Variants in CHD5 observed in about 807,000 individuals in gnomAD.
The protein encoded by CHD5 is ATP-dependent chromatin remodeler CHD5.
In CHD5, 69 loss-of-function variants were observed where a neutral mutation model predicts 230.3. The ratio of observed to expected loss-of-function variants is 0.30; its 90% CI spans 0.25 to 0.37. CHD5 has a LOEUF of 0.37. Ranked by LOEUF, CHD5 falls within the 10% of genes least tolerant of loss-of-function variation. The pLI is 1.00. For missense variants in CHD5, 1,827 were observed against 2,622.8 expected (o/e 0.70, Z 6.63); for synonymous variants, 1,064 against 1,065.9 (o/e 1.00, Z 0.03).
chr1:6,145,312 A>G (rs1666893947), intron 11 of CHD5, among the ~76,000 whole-genome samples: 1 of 152,190 alleles, frequency 6.6e-6, no homozygotes, highest in Non-Finnish European at 1.5e-5. Context: ...CCTCTGCTCT[A>G]CCCAACAGCT....
chr1:6,154,780 C>T lies in CHD5; in HGVS notation c.625G>A (p.Ala209Thr). Residue 209 changes from alanine to threonine, a missense_variant, in exon 5 of 42, where the codon GCG becomes ACG. By Grantham distance (58) the Ala-to-Thr change is moderately conservative. Transcript: ENST00000262450. This position sits in a 1 kb window ranked among gnomAD's most constrained non-coding sequence, Gnocchi z 7.0. ...ACAGCCGCAGCCACCGCCGCCGCCG[C>T]TGCTGCCGCGGAGCTGCCCTTGAAG... ...NPFKGSSAAAAAAAVAAAVET... is the reference protein window; with the variant it reads ...NPFKGSSAAATAAAVAAAVET... 6.2e-7 allele frequency: 1 copy of T among 1,613,414 alleles called. No individual in the cohort carries two copies. Among genetic ancestry groups the T allele is most frequent in the Non-Finnish European group, 8.5e-7 (1 of 1,179,886 alleles).
chr1:6,162,968 A>T (rs1003425674), intron 2 of CHD5, among the ~76,000 whole-genome samples: 1 of 151,914 alleles, frequency 6.6e-6, no homozygotes, highest in Non-Finnish European at 1.5e-5. Flanking sequence ...AGCCGGAAGG[A>T]GGGAGGGATA....
rs1313102688 is a variant in CHD5 at position 6,146,760 on chromosome 1, G to A, written c.1495C>T (p.Pro499Ser). The change falls in exon 10 of 42, where the codon CCA becomes TCA. Residue 499 changes from proline (P) to serine (S), a missense_variant. By Grantham distance (74) the Pro-to-Ser change is moderately conservative. Transcript: ENST00000262450. The surrounding 1 kb of genome is among the most constrained non-coding windows in gnomAD (Gnocchi z 5.1). ...PGPDVEPSLP[P>S]PKPLEGIPER... ...GGGATGCCCTCCAGGGGCTTAGGTG[G>A]AGGGAGGCTGGGCTCCACGTCAGGC... The A allele has an allele frequency of 1.2e-6, 2 of 1,608,510 alleles. No individual in the cohort carries two copies. The highest frequency in any genetic ancestry group is 1.1e-5 in the South Asian group (1 of 90,614).
intron 5 of CHD5, among the ~76,000 whole-genome samples, chr1:6,153,971 T>C (rs1326736957): frequency 6.6e-6 from 1 of 151,978 alleles, no homozygotes; most frequent in African/African-American, 2.4e-5. Context: ...CCCAGGGCCT[T>C]CAAGTCACAG....
chr1:6,152,954 C>T (rs1296787231), intron 5 of CHD5, among the ~76,000 whole-genome samples: 2 of 152,240 alleles, frequency 1.3e-5, no homozygotes, highest in African/African-American at 4.8e-5. Flanking sequence ...GGCCTTTTCC[C>T]ACCTGCCAGC....
chr1:6,160,134 C>T (rs1571167347), intron 2 of CHD5, among the ~76,000 whole-genome samples: 2 of 123,344 alleles, frequency 1.6e-5, no homozygotes, highest in East Asian at 2.6e-4. Context: ...AGGGAAGGGC[C>T]CCAGCCAGGG....
Position 6,131,518 on chromosome 1 carries a change from G to A in CHD5, c.3262+113C>T. On this transcript the variant is annotated intron_variant, in intron 21 of 41. Coordinates refer to ENST00000262450, the MANE Select transcript of CHD5 (RefSeq NM_015557.3). This position sits in a 1 kb window ranked among gnomAD's most constrained non-coding sequence, Gnocchi z 5.0. ...TCGGACTGGCCTGCTGTCTTTAGCT[G>A]TTTGTGAGGCTGCTCAACACAACAC... 1.5e-6 allele frequency: 1 copy of A among 661,400 alleles called. No individual in the cohort carries two copies. Among genetic ancestry groups the A allele is most frequent in the South Asian group, 1.9e-5 (1 of 52,950 alleles). The allele number at this position is 661,400 out of a possible 1,614,324, so 41.0% of individuals were successfully genotyped here.
Position 6,121,048 on chromosome 1 carries a change from C to T in CHD5, c.4912+57G>A. ...ACAGCCACCTGCCCTTCTCTGAACC[C>T]AGGCCTGCTGAGGCCAGACATGGCA... On this transcript the variant is annotated intron_variant, in intron 33 of 41. Transcript: ENST00000262450. The surrounding 1 kb of genome is among the most constrained non-coding windows in gnomAD (Gnocchi z 4.5). The T allele has an allele frequency of 2.7e-6, 4 of 1,507,560 alleles. No individual in the cohort carries two copies. Among genetic ancestry groups the T allele is most frequent in the Admixed American group, 2.3e-5 (1 of 43,630 alleles). 93.4% of individuals were successfully genotyped at this position (1,507,560 alleles called of 1,614,324 possible). A position where few individuals can be genotyped will look rare whatever the true frequency, so the allele number is the denominator to read the frequency against.
Position 6,136,548 on chromosome 1 carries a change from G to C in CHD5, c.2665C>G (p.Leu889Val). The change falls in exon 17 of 42, where the codon CTC becomes GTC. Residue 889 changes from leucine to valine, a missense_variant. Leu to Val is a conservative substitution (Grantham distance 32). Transcript: ENST00000262450. ...CTCTCTGGAGTCAGGAAGTTGAGGA[G>C]ATGGAACAGCTCCTCCAGGTTGTTC... is the stretch of plus-strand genomic sequence containing the variant. ...LQNNLEELFHLLNFLTPERFN... is the reference protein window; with the variant it reads ...LQNNLEELFHVLNFLTPERFN... 1 of 1,614,120 alleles carries C rather than the reference G, an allele frequency of 6.2e-7. No homozygotes were observed. Among genetic ancestry groups the C allele is most frequent in the Non-Finnish European group, 8.5e-7 (1 of 1,180,036 alleles).
Position 6,143,812 on chromosome 1 carries a change from T to C in CHD5, c.2043+11A>G. On this transcript the variant is annotated intron_variant, in intron 13 of 41. Transcript: ENST00000262450. The stretch of plus-strand genomic sequence containing the variant: ...AACCCCACCCACTGCTGCCCCACCC[T>C]CCCCACTCACGTCCACAATGGGCGT... 2.5e-6 allele frequency: 2 copies of C among 789,916 alleles called. No individual in the cohort carries two copies. Among genetic ancestry groups the C allele is most frequent in the Non-Finnish European group, 4.1e-6 (2 of 483,874 alleles). The allele number at this position is 789,916 out of a possible 1,614,324, so 48.9% of individuals were successfully genotyped here. A position where few individuals can be genotyped will look rare whatever the true frequency, so the allele number is the denominator to read the frequency against.
Position 6,146,184 on chromosome 1 carries a change from G to A in CHD5, c.1802+28C>T. The A allele has an allele frequency of 1.2e-6, 2 of 1,605,408 alleles. No homozygotes were observed. Among genetic ancestry groups the A allele is most frequent in the Non-Finnish European group, 8.5e-7 (1 of 1,173,042 alleles). ...CTGACGTGGCCCGGCCCCAGCGATG[G>A]GCAGGGTGGCCGCCTGCAGGCACAC... is the stretch of plus-strand genomic sequence containing the variant. On this transcript the variant is annotated intron_variant, in intron 11 of 41. Coordinates refer to ENST00000262450, the MANE Select transcript of CHD5 (RefSeq NM_015557.3). The surrounding 1 kb of genome is among the most constrained non-coding windows in gnomAD (Gnocchi z 5.1).
chr1:6,136,228 CA>C (rs1448302780), intron 17 of CHD5, among the ~76,000 whole-genome samples: 1 of 152,042 alleles, frequency 6.6e-6, no homozygotes, highest in Non-Finnish European at 1.5e-5. Flanking sequence ...AGGAACCTGC[CA>C]GGGGAGGCAG....
rs1329692438 is a variant in CHD5, at chr1:6,129,579, C to T, written c.3388-510G>A. Among the ~76,000 whole-genome samples the T allele has an allele frequency of 1.3e-5, 2 of 152,042 alleles. No individual in the cohort carries two copies. The highest frequency in any genetic ancestry group is 2.9e-5 in the Non-Finnish European group (2 of 68,002). On this transcript the variant is annotated intron_variant, in intron 22 of 41. Coordinates refer to ENST00000262450, the MANE Select transcript of CHD5 (RefSeq NM_015557.3). This position sits in a 1 kb window ranked among gnomAD's most constrained non-coding sequence, Gnocchi z 6.8. ...CTACATGAGGTGACCTGGGTGTGGC[C>T]GTGTATATCTGTGTATGTGCATGGG...
At chr1:6,108,318 G>GAGGGATGA (rs1455376300) in intron 38 of CHD5, among the ~76,000 whole-genome samples, 1 of 149,018 alleles carries the variant, frequency 6.7e-6, no homozygotes, top group East Asian at 2.0e-4. Flanking sequence ...TGGAGAGACG[G>GAGGGATGA]AGGGATGAAG....
rs1450654850 is a variant in CHD5, at chr1:6,121,581, A to G, written c.4700-8T>C. 6.2e-7 allele frequency: 1 copy of G among 1,609,128 alleles called. No homozygotes were observed. The highest frequency in any genetic ancestry group is 1.7e-5 in the Admixed American group (1 of 59,616). On this transcript the variant is annotated splice_polypyrimidine_tract_variant and splice_region_variant and intron_variant, in intron 31 of 41. Transcript: ENST00000262450. The surrounding 1 kb of genome is among the most constrained non-coding windows in gnomAD (Gnocchi z 4.5). ...GCTGGGCTTCCATTTTGTCTGAAAG[A>G]TCAAGGGAAAGAGCTGAGACAGGTG...
Position 6,128,874 on chromosome 1 carries a change from A to G in CHD5, c.3583T>C (p.Phe1195Leu). Reference protein sequence around the residue: ...TKQELDDILKFGTEELFKDDV... With the variant: ...TKQELDDILKLGTEELFKDDV... Reference sequence around the variant, plus strand: ...TCCTTGAAGAGTTCCTCCGTGCCGAACTTGAGGATGTCGTCCAGCTCCTGC... The same window carrying G: ...TCCTTGAAGAGTTCCTCCGTGCCGAGCTTGAGGATGTCGTCCAGCTCCTGC... The change falls in exon 23 of 42, where the codon TTC (phenylalanine) becomes CTC (leucine). Residue 1195 changes from phenylalanine to leucine, a missense_variant. Coordinates refer to ENST00000262450, the MANE Select transcript of CHD5 (RefSeq NM_015557.3). This position sits in a 1 kb window ranked among gnomAD's most constrained non-coding sequence, Gnocchi z 7.8. 6.2e-7 allele frequency: 1 copy of G among 1,613,040 alleles called. No homozygotes were observed. Among genetic ancestry groups the G allele is most frequent in the Non-Finnish European group, 8.5e-7 (1 of 1,179,748 alleles).
chr1:6,144,132 T>C lies in CHD5; in HGVS notation c.1826A>G (p.His609Arg), dbSNP rs1241599567. The change falls in exon 12 of 42, where the codon CAC becomes CGC. Residue 609 changes from histidine (H) to arginine (R), a missense_variant. By Grantham distance (29) the His-to-Arg change is conservative. Transcript: ENST00000262450. The stretch of plus-strand genomic sequence containing the variant: ...CAGGTCTTTCCACTTGATCAGGTAG[T>C]GCACATCCCCCTTCTTGTCAAAGCT... ...NHSFDKKGDVHYLIKWKDLPY... is the reference protein window; with the variant it reads ...NHSFDKKGDVRYLIKWKDLPY... 1.9e-6 allele frequency: 3 copies of C among 1,614,160 alleles called. No individual in the cohort carries two copies.
In CHD5 at chr1:6,146,927, G is replaced by C; in HGVS notation, c.1384-56C>G. 1 of 1,348,438 alleles carries C rather than the reference G, an allele frequency of 7.4e-7. No individual in the cohort carries two copies. Among genetic ancestry groups the C allele is most frequent in the South Asian group, 1.5e-5 (1 of 65,896 alleles). 83.5% of individuals were successfully genotyped at this position (1,348,438 alleles called of 1,614,324 possible). On this transcript the variant is annotated intron_variant, in intron 9 of 41. Coordinates refer to ENST00000262450, the MANE Select transcript of CHD5 (RefSeq NM_015557.3). This position sits in a 1 kb window ranked among gnomAD's most constrained non-coding sequence, Gnocchi z 5.1. ...GCTCAGCTGCAGGGCCCCACCCTGA[G>C]GCTCCCATGACAGCAGGCTGCCATG... is the stretch of plus-strand genomic sequence containing the variant.
Position 6,121,375 on chromosome 1 carries a change from C to T in CHD5, c.4779+119G>A. ...TAGCCTGCTCCCCGCCGATTCAGAG[C>T]CCCGAAAAGGGAGCCAGGAGGCCTG... On this transcript the variant is annotated intron_variant, in intron 32 of 41. Transcript: ENST00000262450. The surrounding 1 kb of genome is among the most constrained non-coding windows in gnomAD (Gnocchi z 4.5). The T allele has an allele frequency of 6.7e-7, 1 of 1,499,210 alleles. No homozygotes were observed. The highest frequency in any genetic ancestry group is 9.2e-7 in the Non-Finnish European group (1 of 1,092,104). The allele number at this position is 1,499,210 out of a possible 1,614,324, so 92.9% of individuals were successfully genotyped here. A position where few individuals can be genotyped will look rare whatever the true frequency, so the allele number is the denominator to read the frequency against.
Sources: gnomAD v4.1 joint callset for allele counts (sites outside exome capture counted in the v4.1 genomes callset) on GRCh38, gnomAD v4.1.1 for gene constraint, Gnocchi (gnomAD v3.1) non-coding constraint, MANE v1.5 for transcripts, NCBI Gene and HGNC (gene_info 2026-07-23, HGNC 2026-07-21) for gene names.